Variants in FBXW7 observed in about 807,000 individuals in gnomAD.
FBXW7 encodes the protein F-box/WD repeat-containing protein 7.
In FBXW7, 11 loss-of-function variants were observed where a neutral mutation model predicts 86.3. That is an observed-to-expected ratio of 0.13 (90% CI 0.08 to 0.21). The LOEUF (loss-of-function observed/expected upper bound fraction) is 0.21. Among genes scored for constraint, FBXW7 ranks in the 10% least tolerant of loss-of-function variants. The pLI, the probability that FBXW7 is intolerant of heterozygous loss-of-function variation, is 1.00. For missense variants in FBXW7, 488 were observed against 847.4 expected, an observed-to-expected ratio of 0.58 and a Z score of 5.27; for synonymous variants, 313 against 297.9, an observed-to-expected ratio of 1.05 and a Z score of -0.52.
intron 10 of FBXW7, 47 bp from the exon 11 acceptor site, chr4:152,328,436 G>T: frequency 1.4e-5 from 18 of 1,280,108 alleles, no homozygotes; most frequent in South Asian, 2.2e-5. Context: ...AAGGAAAAGT[G>T]ATTTAAATAA....
intron 4 of FBXW7, among the ~76,000 whole-genome samples, chr4:152,373,830 GATC>G (rs1734227522): frequency 2.6e-5 from 4 of 151,964 alleles, no homozygotes. Flanking sequence ...GGGCATGGGG[GATC>G]ATCATCTTAT....
chr4:152,367,861 T>C (rs1027399976), intron 4 of FBXW7, among the ~76,000 whole-genome samples: 3 of 152,096 alleles, frequency 2.0e-5, no homozygotes, highest in African/African-American at 7.2e-5. Flanking sequence ...AAGTTGATGA[T>C]ACTAGGTGAC....
At chr4:152,417,856 C>A (rs1357509109) in intron 2 of FBXW7, among the ~76,000 whole-genome samples, 1 of 152,010 alleles carries the variant, frequency 6.6e-6, no homozygotes. Context: ...CTTCTCCCAG[C>A]AAGCTACCAA....
At chr4:152,351,969 T>C (rs1457666720) in intron 4 of FBXW7, among the ~76,000 whole-genome samples, 3 of 152,146 alleles carry the variant, frequency 2.0e-5, no homozygotes, top group African/African-American at 7.2e-5. Context: ...TTAAATACTG[T>C]ACTGTTTACT....
At chr4:152,466,952 T>C (rs1743510704) in intron 2 of FBXW7, among the ~76,000 whole-genome samples, 1 of 152,080 alleles carries the variant, frequency 6.6e-6, no homozygotes, top group African/African-American at 2.4e-5. Context: ...AAAATAATAA[T>C]AATAATAATC....
chr4:152,371,120 T>C (rs1733967861), intron 4 of FBXW7, among the ~76,000 whole-genome samples: 1 of 151,914 alleles, frequency 6.6e-6, no homozygotes, highest in South Asian at 2.1e-4. Context: ...TCCACTATTA[T>C]TTCTATAGTA....
intron 4 of FBXW7, among the ~76,000 whole-genome samples, chr4:152,399,456 G>GA (rs1013990586): frequency 6.6e-6 from 1 of 152,104 alleles, no homozygotes; most frequent in Non-Finnish European, 1.5e-5. Context: ...CATCATAGGG[G>GA]AAGTCCTAGT....
intron 2 of FBXW7, among the ~76,000 whole-genome samples, chr4:152,454,748 T>C (rs974774185): frequency 2.6e-5 from 4 of 151,988 alleles, no homozygotes; most frequent in Non-Finnish European, 5.9e-5. Flanking sequence ...CAAAAAAACC[T>C]AGAATGCAGA....
chr4:152,381,110 A>G (rs143265132), intron 4 of FBXW7, among the ~76,000 whole-genome samples: 5 of 152,124 alleles, frequency 3.3e-5, no homozygotes, highest in Admixed American at 2.0e-4. Context: ...AAGTTTTCCA[A>G]CATGGCTGCC....
At chr4:152,447,022 T>A (rs1300434587) in intron 2 of FBXW7, among the ~76,000 whole-genome samples, 1 of 152,200 alleles carries the variant, frequency 6.6e-6, no homozygotes, top group Non-Finnish European at 1.5e-5. Flanking sequence ...ATTTTCAATT[T>A]TCCATAATTA....
At chr4:152,416,792 C>A (rs978298190) in intron 2 of FBXW7, among the ~76,000 whole-genome samples, 1 of 152,126 alleles carries the variant, frequency 6.6e-6, no homozygotes, top group African/African-American at 2.4e-5. Flanking sequence ...ATTCCTCAGT[C>A]CACATGACAA....
chr4:152,325,596 G>T, intron 12 of FBXW7: 1 of 171,412 alleles, frequency 5.8e-6, no homozygotes, highest in Non-Finnish European at 1.3e-5. Flanking sequence ...CACTTTGAAT[G>T]GGGATGGAAT....
At chr4:152,372,411 C>G (rs1159721731) in intron 4 of FBXW7, among the ~76,000 whole-genome samples, 1 of 151,928 alleles carries the variant, frequency 6.6e-6, no homozygotes, top group Non-Finnish European at 1.5e-5. Flanking sequence ...AGAAAGGTAA[C>G]AGAGTGCATA....
rs112591255 is a variant in FBXW7, at chr4:152,324,841, A to G, written c.1645-447T>C. On this transcript the variant is annotated intron_variant, in intron 12 of 13. Transcript: ENST00000281708. ...ACCTAAGGCATGAAAAGGGCTAGAG[A>G]TAACTTTCGTGATGTTCAAAAGTAA... 4 of 155,534 alleles carry G rather than the reference A, an allele frequency of 2.6e-5. 1 individual carries two copies. Among genetic ancestry groups the G allele is most frequent in the African/African-American group, 4.8e-5 (2 of 41,594 alleles). 9.6% of individuals were successfully genotyped at this position (155,534 alleles called of 1,614,324 possible).
intron 2 of FBXW7, among the ~76,000 whole-genome samples, chr4:152,440,259 G>A (rs1433064974): frequency 6.6e-6 from 1 of 152,086 alleles, no homozygotes; most frequent in East Asian, 1.9e-4. Context: ...CCATTAGAAT[G>A]ACAAATTCTT....
At position 152,321,579 on chromosome 4, in the gene FBXW7, C is replaced by T. The variant is rs960056550; in HGVS notation, c.*1302G>A. Reference sequence around the variant, plus strand: ...ATTCATTTTGTTTGTTTGCATGTGACGCCTTTACTACAAAAACTGAATAGT... The same window carrying T: ...ATTCATTTTGTTTGTTTGCATGTGATGCCTTTACTACAAAAACTGAATAGT... On this transcript the variant is annotated 3_prime_UTR_variant, in exon 14 of 14. Coordinates refer to ENST00000281708, the MANE Select transcript of FBXW7 (RefSeq NM_001349798.2). 5 of 233,012 alleles carry T rather than the reference C, an allele frequency of 2.1e-5. No homozygotes were observed. The highest frequency in any genetic ancestry group is 5.6e-5 in the Admixed American group (1 of 17,750). The allele number at this position is 233,012 out of a possible 1,614,324, so 14.4% of individuals were successfully genotyped here.
chr4:152,415,672 C>A (rs998386168), intron 2 of FBXW7, among the ~76,000 whole-genome samples: 1 of 152,224 alleles, frequency 6.6e-6, no homozygotes, highest in African/African-American at 2.4e-5. Context: ...AAGCCAATGT[C>A]TTTTATGGTT....
intron 2 of FBXW7, among the ~76,000 whole-genome samples, chr4:152,490,091 G>A (rs1745694461): frequency 1.3e-5 from 2 of 152,090 alleles, no homozygotes; most frequent in Admixed American, 1.3e-4. Flanking sequence ...GACAAACACT[G>A]TATGATTCTA....
At chr4:152,402,466 C>A (rs1387841944) in intron 4 of FBXW7, among the ~76,000 whole-genome samples, 1 of 151,980 alleles carries the variant, frequency 6.6e-6, no homozygotes, top group African/African-American at 2.4e-5. Context: ...AATGTTAGGG[C>A]GGTAGCTTTA....
Sources: allele counts gnomAD v4.1 joint callset (sites outside exome capture counted in the v4.1 genomes callset), GRCh38; gene constraint gnomAD v4.1.1; transcripts MANE v1.5; gene names NCBI Gene and HGNC (gene_info 2026-07-23, HGNC 2026-07-21).